TPRG1: variants seen among roughly 807,000 people sequenced by gnomAD.
TPRG1 encodes tumor protein p63 regulated 1.
TPRG1 carries 29 observed loss-of-function variants against 29.3 expected under a neutral mutation model. That is an observed-to-expected ratio of 0.99 (90% confidence interval 0.74 to 1.35). TPRG1 has a LOEUF of 1.35. Ranked by LOEUF, TPRG1 falls within the 40% of genes most tolerant of loss-of-function variation. The pLI is 0.00. For synonymous variants in TPRG1, 130 were observed against 116.8 expected, an observed-to-expected ratio of 1.11 and a Z score of -0.73; for missense variants, 327 against 335.0, an observed-to-expected ratio of 0.98 and a Z score of 0.19.
chr3:189,068,919 A>G (rs1426151262), intron 4 of TPRG1, among the ~76,000 whole-genome samples: 1 of 152,178 alleles, frequency 6.6e-6, no homozygotes, highest in Non-Finnish European at 1.5e-5. Flanking sequence ...CAAACTTAGC[A>G]TTTTCCACTC....
chr3:189,261,052 C>T (rs898856951), intron 4 of TPRG1, among the ~76,000 whole-genome samples: 5 of 152,112 alleles, frequency 3.3e-5, no homozygotes, highest in Non-Finnish European at 7.3e-5. Flanking sequence ...TGTGGTTCTG[C>T]GGAACATCTT....
At chr3:189,231,943 T>TTGTGTGTGTGTGTGTGTGTGTGTG (rs10576562) in intron 3 of TPRG1, among the ~76,000 whole-genome samples, 3 of 147,704 alleles carry the variant, frequency 2.0e-5, no homozygotes, top group African/African-American at 7.4e-5. Flanking sequence ...CAAACCTGGT[T>TTGTGTGTGTGTGTGTGTGTGTGTG]TGTGTGTGTG....
At chr3:189,241,919 G>T (rs1345759990) in intron 4 of TPRG1, among the ~76,000 whole-genome samples, 2 of 152,048 alleles carry the variant, frequency 1.3e-5, no homozygotes, top group African/African-American at 2.4e-5. Context: ...CCTGTTTGGG[G>T]TATGTCTTTA....
intron 1 of TPRG1, chr3:189,123,654 A>G (rs1252740965): frequency 6.6e-6 from 1 of 152,244 alleles, no homozygotes; most frequent in Non-Finnish European, 1.5e-5. Context: ...TTCTGAATGA[A>G]GCAATTAATG....
At chr3:189,140,484 A>G (rs1207731212) in intron 3 of TPRG1, among the ~76,000 whole-genome samples, 1 of 152,154 alleles carries the variant, frequency 6.6e-6, no homozygotes. Context: ...CTTAGTATTA[A>G]TTACCTCTTC....
At chr3:189,248,746 G>T (rs958625052) in intron 4 of TPRG1, among the ~76,000 whole-genome samples, 1 of 150,826 alleles carries the variant, frequency 6.6e-6, no homozygotes, top group African/African-American at 2.4e-5. Flanking sequence ...TTTAAATTTT[G>T]TTATTAATTT....
At chr3:189,149,562 G>A (rs1446817844) in intron 4 of TPRG1, among the ~76,000 whole-genome samples, 1 of 152,222 alleles carries the variant, frequency 6.6e-6, no homozygotes, top group Non-Finnish European at 1.5e-5. Flanking sequence ...GGCAAAGACT[G>A]TTTTGTTTCA....
intron 5 of TPRG1, among the ~76,000 whole-genome samples, chr3:189,161,055 T>A (rs1234925238): frequency 6.6e-6 from 1 of 152,246 alleles, no homozygotes; most frequent in Admixed American, 6.5e-5. Flanking sequence ...TGTGATAAGA[T>A]TGGTGATGGC....
intron 3 of TPRG1, among the ~76,000 whole-genome samples, chr3:189,135,323 C>A (rs897028175): frequency 1.3e-5 from 2 of 152,218 alleles, no homozygotes; most frequent in Non-Finnish European, 2.9e-5. Context: ...GGATCCTGGA[C>A]GTGTACTGTC....
chr3:189,066,954 T>C (rs1036177508), intron 4 of TPRG1, among the ~76,000 whole-genome samples: 2 of 152,232 alleles, frequency 1.3e-5, no homozygotes, highest in Admixed American at 6.5e-5. Flanking sequence ...TTAGAACTCA[T>C]AAACAGATTC....
intron 1 of TPRG1, among the ~76,000 whole-genome samples, chr3:189,204,947 TCACA>T (rs35018569): frequency 0.015 from 2,203 of 147,070 alleles, 44 homozygotes; most frequent in African/African-American, 0.05. Context: ...TCTCTCTCTC[TCACA>T]CACACACACA....
chr3:189,128,836 C>G (rs1416398556), intron 2 of TPRG1, among the ~76,000 whole-genome samples: 1 of 152,166 alleles, frequency 6.6e-6, no homozygotes, highest in Non-Finnish European at 1.5e-5. Context: ...AGGGCGCAAT[C>G]TCGGCTCACT....
Position 189,320,646 on chromosome 3 carries a change from G to A in TPRG1, c.654G>A (p.Lys218=), listed in dbSNP as rs774565222. ...EICKLSGFMS[K]LVPAIQNAHK... ...TTCAGTTGTCTGGGTTCATGTCTAA[G>A]CTTGTTCCAGCTATCCAGAATGCCC... is the stretch of plus-strand genomic sequence containing the variant. Residue 218 remains lysine, a synonymous_variant, in exon 6 of 6, where the codon AAG becomes AAA. Transcript: ENST00000345063. 3.7e-6 allele frequency: 6 copies of A among 1,610,158 alleles called. No individual in the cohort carries two copies. The East Asian group carries it at 1.1e-4, about 30-fold the overall frequency.
intron 5 of TPRG1, among the ~76,000 whole-genome samples, chr3:189,153,036 A>G (rs1335360188): frequency 1.3e-5 from 2 of 152,254 alleles, no homozygotes; most frequent in Non-Finnish European, 2.9e-5. Flanking sequence ...GAAAGATATC[A>G]GACAAAGAGA....
At chr3:189,127,793 A>G (rs1207525249) in intron 2 of TPRG1, among the ~76,000 whole-genome samples, 1 of 152,228 alleles carries the variant, frequency 6.6e-6, no homozygotes, top group Non-Finnish European at 1.5e-5. Context: ...GAAGTATGAA[A>G]TCAATGGCCT....
chr3:189,004,113 T>G (rs1712169707), intron 2 of TPRG1, among the ~76,000 whole-genome samples: 1 of 152,190 alleles, frequency 6.6e-6, no homozygotes, highest in Non-Finnish European at 1.5e-5. Context: ...CACCAGGTTT[T>G]CTTTAATTTC....
At chr3:189,014,771 T>C (rs560295220) in intron 3 of TPRG1, among the ~76,000 whole-genome samples, 2 of 152,154 alleles carry the variant, frequency 1.3e-5, no homozygotes, top group Admixed American at 6.5e-5. Flanking sequence ...TCCACTATGA[T>C]TGTAGGTTCC....
rs1724341619 is a variant in TPRG1, at chr3:189,321,798, G to A, written c.*978G>A. 6.6e-6 allele frequency: 1 copy of A among 152,080 alleles called. No homozygotes were observed. Among genetic ancestry groups the A allele is most frequent in the South Asian group, 2.1e-4 (1 of 4,826 alleles). 9.4% of individuals were successfully genotyped at this position (152,080 alleles called of 1,614,324 possible). The stretch of plus-strand genomic sequence containing the variant: ...AGCATATACGAAGCAGATAAAAGTA[G>A]GTTCAATGCGGTTGGAGTGAAGATG... On this transcript the variant is annotated 3_prime_UTR_variant, in exon 6 of 6. Coordinates refer to ENST00000345063, the MANE Select transcript of TPRG1 (RefSeq NM_198485.4).
chr3:189,119,039 C>T (rs779501571), intron 1 of TPRG1, among the ~76,000 whole-genome samples: 3 of 152,228 alleles, frequency 2.0e-5, no homozygotes, highest in Non-Finnish European at 4.4e-5. Context: ...CACTCAGTGG[C>T]AGCCCATGAA....
Sources: gnomAD v4.1 joint callset for allele counts (sites outside exome capture counted in the v4.1 genomes callset) on GRCh38, gnomAD v4.1.1 for gene constraint, MANE v1.5 for transcripts, NCBI Gene and HGNC (gene_info 2026-07-23, HGNC 2026-07-21) for gene names.